Variants in TMEM178A observed in about 807,000 individuals in gnomAD.
TMEM178A encodes transmembrane protein 178.
TMEM178A carries 12 observed loss-of-function variants against 29.1 expected under a neutral mutation model. The observed-to-expected ratio is 0.41, with a 90% CI of 0.26 to 0.67. TMEM178A has a LOEUF of 0.67. TMEM178A is among the 30% of genes least tolerant of loss of function. TMEM178A has a pLI of 0.29. For missense variants in TMEM178A, 366 were observed against 419.1 expected (o/e 0.87, Z 1.11); for synonymous variants, 210 against 187.2 (o/e 1.12, Z -0.99).
At chr2:39,712,207 A>G (rs1018491383) in intron 3 of TMEM178A, among the ~76,000 whole-genome samples, 3 of 152,198 alleles carry the variant, frequency 2.0e-5, no homozygotes, top group Non-Finnish European at 2.9e-5. Context: ...AACGATGGGC[A>G]GGCCATCTTT....
intron 2 of TMEM178A, 117 bp from the exon 3 acceptor site, chr2:39,706,932 C>G: frequency 8.0e-7 from 1 of 1,254,198 alleles, no homozygotes; most frequent in East Asian, 2.5e-5. Context: ...CCTGTGGGCT[C>G]TAAGCCTGTC....
downstream of TMEM178A, among the ~76,000 whole-genome samples, chr2:39,722,373 G>A (rs779326787): frequency 1.2e-4 from 18 of 152,164 alleles, no homozygotes; most frequent in Non-Finnish European, 1.9e-4. Context: ...TTAACTCAGC[G>A]TTATACAGGA....
chr2:39,697,188 G>T (rs1215673697), intron 1 of TMEM178A, among the ~76,000 whole-genome samples: 1 of 152,194 alleles, frequency 6.6e-6, no homozygotes, highest in Non-Finnish European at 1.5e-5. Context: ...TTATCAGAAA[G>T]ACCTAATTTG....
At chr2:39,696,936 T>TC (rs1031708820) in intron 1 of TMEM178A, among the ~76,000 whole-genome samples, 4 of 152,154 alleles carry the variant, frequency 2.6e-5, no homozygotes, top group South Asian at 2.1e-4. Flanking sequence ...GCATGTTTCT[T>TC]CCCCCCATTG....
intron 3 of TMEM178A, among the ~76,000 whole-genome samples, chr2:39,713,192 G>A (rs1287490026): frequency 1.3e-5 from 2 of 152,180 alleles, no homozygotes; most frequent in East Asian, 3.8e-4. Context: ...TGACCAAGAA[G>A]AGCTCATGAA....
intron 1 of TMEM178A, among the ~76,000 whole-genome samples, chr2:39,695,280 G>T (rs1166917480): frequency 1.3e-5 from 2 of 151,978 alleles, no homozygotes; most frequent in Non-Finnish European, 2.9e-5. Flanking sequence ...AACTCTTTCT[G>T]CTAGAGAACC....
At chr2:39,718,431 G>T (rs1343325031), downstream of TMEM178A, among the ~76,000 whole-genome samples, 3 of 152,180 alleles carry the variant, frequency 2.0e-5, no homozygotes, top group Admixed American at 2.0e-4. Context: ...GCTGGGCCTA[G>T]GCTTGAGCAT....
intron 1 of TMEM178A, among the ~76,000 whole-genome samples, chr2:39,686,536 A>G (rs1671082908): frequency 6.6e-6 from 1 of 152,122 alleles, no homozygotes; most frequent in African/African-American, 2.4e-5. Context: ...ATGCTTAAGT[A>G]TAAGGCAGCT....
the TMEM178A span, among the ~76,000 whole-genome samples, chr2:39,733,812 A>G: frequency 6.6e-6 from 1 of 152,174 alleles, no homozygotes; most frequent in Non-Finnish European, 1.5e-5. Context: ...ATCATACTAT[A>G]GCTGAAATGT....
At chr2:39,665,845 G>A (rs1283614275), upstream of TMEM178A, 44 of 863,034 alleles carry the variant, frequency 5.1e-5, no homozygotes, top group South Asian at 1.2e-3. Flanking sequence ...GCAGGGCGAG[G>A]AGGCCGTAGG....
At chr2:39,728,975 G>T in the TMEM178A span, among the ~76,000 whole-genome samples, 1 of 152,184 alleles carries the variant, frequency 6.6e-6, no homozygotes, top group Admixed American at 6.5e-5. Flanking sequence ...CTGAGAATGA[G>T]ATGTGCAGAG....
chr2:39,701,858 T>C (rs185144021), intron 1 of TMEM178A, among the ~76,000 whole-genome samples: 1,661 of 152,308 alleles, frequency 0.011, 35 homozygotes, highest in African/African-American at 0.038. Flanking sequence ...TATTATACTT[T>C]TCAACTCCAG....
chr2:39,698,490 GC>G (rs530820038), intron 1 of TMEM178A, among the ~76,000 whole-genome samples: 17 of 152,166 alleles, frequency 1.1e-4, no homozygotes, highest in Non-Finnish European at 2.5e-4. Flanking sequence ...AAATGATCTT[GC>G]ATTCCTGAGA....
At chr2:39,677,962 G>C (rs1213847732) in intron 1 of TMEM178A, among the ~76,000 whole-genome samples, 2 of 138,834 alleles carry the variant, frequency 1.4e-5, no homozygotes, top group African/African-American at 5.3e-5. Flanking sequence ...GGTTCGACAA[G>C]AAAAAAAAAA....
chr2:39,665,538 A>C, upstream of TMEM178A: 1 of 159,808 alleles, frequency 6.3e-6, no homozygotes, highest in Non-Finnish European at 1.4e-5. Flanking sequence ...AGTCGGGGGA[A>C]AGTAGGGACA....
chr2:39,701,084 G>T (rs1671761930), intron 1 of TMEM178A, among the ~76,000 whole-genome samples: 1 of 151,994 alleles, frequency 6.6e-6, no homozygotes, highest in South Asian at 2.1e-4. Context: ...GAAAAAAAGA[G>T]TTGCAAACAA....
chr2:39,725,186 C>T, the TMEM178A span, among the ~76,000 whole-genome samples: 5 of 152,100 alleles, frequency 3.3e-5, no homozygotes, highest in Admixed American at 6.5e-5. Context: ...TAGAGCCATG[C>T]GGGGTGGGAC....
intron 1 of TMEM178A, among the ~76,000 whole-genome samples, chr2:39,685,248 A>G (rs1292020952): frequency 6.6e-6 from 1 of 152,078 alleles, no homozygotes; most frequent in Non-Finnish European, 1.5e-5. Flanking sequence ...CCAGGCCTGC[A>G]GGTCTTCCTG....
chr2:39,715,459 AG>A (rs1216127778), intron 3 of TMEM178A, among the ~76,000 whole-genome samples: 1 of 152,156 alleles, frequency 6.6e-6, no homozygotes, highest in African/African-American at 2.4e-5. Context: ...GTTTGAGAAA[AG>A]TGGAGTATTC....
Sources: allele counts gnomAD v4.1 joint callset (sites outside exome capture counted in the v4.1 genomes callset), GRCh38; gene constraint gnomAD v4.1.1; transcripts MANE v1.5; gene names NCBI Gene and HGNC (gene_info 2026-07-23, HGNC 2026-07-21).